TSGA10: variants seen among roughly 807,000 people sequenced by gnomAD.
TSGA10 encodes testis-specific gene 10 protein.
Under a neutral mutation model 96.6 loss-of-function variants are expected in TSGA10, and 43 were observed. That is an observed-to-expected ratio of 0.44 (90% CI 0.35 to 0.57). TSGA10 has a LOEUF of 0.57. TSGA10 is among the 20% of genes least tolerant of loss of function. The pLI, the probability that TSGA10 is intolerant of heterozygous loss-of-function variation, is 0.01. For synonymous variants in TSGA10, 229 were observed against 269.9 expected, an observed-to-expected ratio of 0.85 and a Z score of 1.48; for missense variants, 703 against 834.4, an observed-to-expected ratio of 0.84 and a Z score of 1.94.
intron 2 of TSGA10, among the ~76,000 whole-genome samples, chr2:99,120,530 C>T (rs569675674): frequency 6.6e-6 from 1 of 152,218 alleles, no homozygotes; most frequent in African/African-American, 2.4e-5. Flanking sequence ...GCAGAATTGT[C>T]ATTAGACATT....
rs891971388 is a variant in TSGA10, at chr2:99,041,645, C to A, written c.1405-6206G>T. ...GCAAGCTATATGTAGAAGAATGAAA[C>A]TGGATCCTCACCTCTCACCTTATAC... On this transcript the variant is annotated intron_variant, in intron 16 of 20. Coordinates refer to ENST00000393483, the MANE Select transcript of TSGA10 (RefSeq NM_025244.4). Among the ~76,000 whole-genome samples the A allele has an allele frequency of 2.0e-4, 31 of 152,228 alleles. 1 individual carries two copies. Among genetic ancestry groups the A allele is most frequent in the African/African-American group, 7.5e-4 (31 of 41,538 alleles).
intron 2 of TSGA10, among the ~76,000 whole-genome samples, chr2:99,121,068 A>C (rs1199370717): frequency 6.6e-6 from 1 of 152,228 alleles, no homozygotes; most frequent in Non-Finnish European, 1.5e-5. Flanking sequence ...CCATTCACCA[A>C]TTAAGGAAAA....
chr2:99,064,678 A>G (rs1330818159), intron 16 of TSGA10, among the ~76,000 whole-genome samples: 1 of 152,150 alleles, frequency 6.6e-6, no homozygotes, highest in East Asian at 1.9e-4. Context: ...GGATATGTTT[A>G]TCTGTTTTGT....
chr2:99,108,936 A>G lies in TSGA10; in HGVS notation c.107T>C (p.Leu36Pro). Residue 36 changes from leucine to proline, a missense_variant, in exon 7 of 21, where the codon CTT becomes CCT. This residue lies in a region of TSGA10 where 585 missense variants were observed against 656.8 expected (regional missense o/e 0.89). Transcript: ENST00000393483. ...LKTTTRDREE[L>P]KCMLEKYERH... ...CTCATATTTTTCCAGCATGCATTTA[A>G]GTTCTTCACGATCTCTTGTTGTTGT... is the stretch of plus-strand genomic sequence containing the variant. 1 of 1,607,386 alleles carries G rather than the reference A, an allele frequency of 6.2e-7. No homozygotes were observed. Among genetic ancestry groups the G allele is most frequent in the East Asian group, 2.2e-5 (1 of 44,648 alleles).
At chr2:99,002,220 A>G (rs1268028547) in intron 20 of TSGA10, among the ~76,000 whole-genome samples, 1 of 152,212 alleles carries the variant, frequency 6.6e-6, no homozygotes, top group African/African-American at 2.4e-5. Flanking sequence ...GGAAAATATT[A>G]AGGGCAGCCA....
intron 1 of TSGA10, among the ~76,000 whole-genome samples, chr2:99,133,166 T>C (rs541767677): frequency 6.6e-6 from 1 of 152,306 alleles, no homozygotes; most frequent in Admixed American, 6.5e-5. Context: ...GTCTAGTTGA[T>C]CTAATATTGC....
At chr2:99,132,435 C>T (rs1362393227) in intron 1 of TSGA10, among the ~76,000 whole-genome samples, 1 of 151,564 alleles carries the variant, frequency 6.6e-6, no homozygotes, top group African/African-American at 2.4e-5. Flanking sequence ...ATAGTATTCT[C>T]TGATGGTAGT....
chr2:99,098,973 T>C (rs2090402152), intron 10 of TSGA10, among the ~76,000 whole-genome samples: 1 of 152,186 alleles, frequency 6.6e-6, no homozygotes, highest in Non-Finnish European at 1.5e-5. Context: ...AAGAGTATTA[T>C]AGTATGAGTT....
intron 20 of TSGA10, among the ~76,000 whole-genome samples, chr2:99,016,188 A>C (rs1037368065): frequency 1.3e-5 from 2 of 152,162 alleles, no homozygotes; most frequent in African/African-American, 4.8e-5. Flanking sequence ...GACCCCACAT[A>C]GCAAGACTAA....
At position 99,109,260 on chromosome 2, in the gene TSGA10, T is replaced by C. The variant is rs1300956457; in HGVS notation, c.51+129A>G. On this transcript the variant is annotated intron_variant, in intron 6 of 20. Transcript: ENST00000393483. ...CTGTGCCATCAAAGAGACCTCTGTC[T>C]CTCAACCCCTTTGAAACAGCAATTC... 1.5e-5 allele frequency: 15 copies of C among 1,013,086 alleles called. No homozygotes were observed. In the East Asian group the frequency reaches 3.5e-4, roughly 24 times the overall value. The allele number at this position is 1,013,086 out of a possible 1,614,324, so 62.8% of individuals were successfully genotyped here.
At chr2:99,025,733 T>C (rs750547201) in intron 17 of TSGA10, among the ~76,000 whole-genome samples, 24 of 152,330 alleles carry the variant, frequency 1.6e-4, no homozygotes, top group Admixed American at 3.9e-4. Context: ...TTTATAGCTA[T>C]AAATTTCCCT....
At chr2:99,033,753 T>C (rs1356932232) in intron 17 of TSGA10, among the ~76,000 whole-genome samples, 1 of 151,926 alleles carries the variant, frequency 6.6e-6, no homozygotes, top group Non-Finnish European at 1.5e-5. Context: ...GGCAGGAGAA[T>C]TGTTTGAACC....
At chr2:99,137,759 A>G (rs1471558731) in intron 1 of TSGA10, among the ~76,000 whole-genome samples, 1 of 152,052 alleles carries the variant, frequency 6.6e-6, no homozygotes, top group Non-Finnish European at 1.5e-5. Flanking sequence ...AAATATAGAG[A>G]AGTGGATGGA....
At chr2:99,050,989 T>C (rs2083339566) in intron 16 of TSGA10, among the ~76,000 whole-genome samples, 2 of 152,112 alleles carry the variant, frequency 1.3e-5, no homozygotes, top group Non-Finnish European at 2.9e-5. Context: ...GCTGTACAGG[T>C]TTATAGCCTA....
chr2:99,067,958 T>C (rs1318364770), intron 15 of TSGA10, among the ~76,000 whole-genome samples: 1 of 152,130 alleles, frequency 6.6e-6, no homozygotes, highest in Admixed American at 6.6e-5. Context: ...CTTACTTGGG[T>C]GTTCTTCCCG....
chr2:99,042,624 T>A (rs2082309182), intron 16 of TSGA10, among the ~76,000 whole-genome samples: 1 of 152,100 alleles, frequency 6.6e-6, no homozygotes, highest in South Asian at 2.1e-4. Context: ...CTTCTGTCTG[T>A]GCTATACTGA....
chr2:99,096,229 A>G (rs2090019422), intron 10 of TSGA10, among the ~76,000 whole-genome samples: 1 of 152,220 alleles, frequency 6.6e-6, no homozygotes, highest in Non-Finnish European at 1.5e-5. Flanking sequence ...AAGTTTATCA[A>G]GAGTAGTTTG....
rs182553124 is a variant in TSGA10 at position 99,133,216 on chromosome 2, G to A, written c.-620-6040C>T. ...AGTCTCCCACTATTATTCTGTAGGA[G>A]TCTAAGTCTCTTTGTAGGTCTCTAA... On this transcript the variant is annotated intron_variant, in intron 1 of 20. Transcript: ENST00000393483. Among the ~76,000 whole-genome samples, 16 of 152,284 alleles carry A rather than the reference G, an allele frequency of 1.1e-4. No homozygotes were observed. In the East Asian group the frequency reaches 3.1e-3, roughly 29 times the overall value.
intron 3 of TSGA10, among the ~76,000 whole-genome samples, chr2:99,118,246 T>C (rs2092381053): frequency 6.6e-6 from 1 of 151,014 alleles, no homozygotes; most frequent in Non-Finnish European, 1.5e-5. Flanking sequence ...AGGTCAGGAG[T>C]TTGAGACCAG....
Sources: allele counts gnomAD v4.1 joint callset (sites outside exome capture counted in the v4.1 genomes callset), GRCh38; gene constraint gnomAD v4.1.1; regional missense constraint gnomAD v4.1.1; transcripts MANE v1.5; gene names NCBI Gene and HGNC (gene_info 2026-07-23, HGNC 2026-07-21).